The following VPS53 variants were observed in gnomAD, a reference collection of about 807,000 sequenced individuals.
The protein encoded by VPS53 is VPS53 subunit of GARP complex.
A neutral mutation model predicts 107.0 loss-of-function variants in VPS53; 70 were observed. The observed-to-expected ratio is 0.65, with a 90% CI of 0.54 to 0.80. The LOEUF (loss-of-function observed/expected upper bound fraction) is 0.80, where lower values mean the gene tolerates loss of function less well. Ranked by LOEUF, VPS53 falls within the 30% of genes least tolerant of loss-of-function variation. VPS53 has a pLI of 0.00. For missense variants in VPS53, 917 were observed against 1,049.4 expected (o/e 0.87, Z 1.74); for synonymous variants, 409 against 393.3 (o/e 1.04, Z -0.47).
chr17:546,000 G>T (rs1012780223), intron 17 of VPS53, among the ~76,000 whole-genome samples: 1 of 152,118 alleles, frequency 6.6e-6, no homozygotes, highest in Admixed American at 6.6e-5. Context: ...TGGCCTGAGG[G>T]TGGACATACA....
chr17:659,751 T>C (rs552430253), intron 5 of VPS53, among the ~76,000 whole-genome samples: 11 of 152,208 alleles, frequency 7.2e-5, no homozygotes, highest in African/African-American at 2.4e-4. Context: ...ATCCCTTCTC[T>C]CTATGTCCTA....
At position 604,102 on chromosome 17, in the gene VPS53, C is replaced by A. The variant is rs145022175; in HGVS notation, c.1117-2206G>T. On this transcript the variant is annotated intron_variant, in intron 11 of 21. Coordinates refer to ENST00000437048, the MANE Select transcript of VPS53 (RefSeq NM_001128159.3). Reference sequence around the variant, plus strand: ...TGAACTAAATGCCCCTCATCTATTGCTAAGTCTATTGGGTTGATAACAGCA... The same window carrying A: ...TGAACTAAATGCCCCTCATCTATTGATAAGTCTATTGGGTTGATAACAGCA... Among the ~76,000 whole-genome samples the A allele has an allele frequency of 2.6e-5, 4 of 152,294 alleles. No individual in the cohort carries two copies. The East Asian group carries it at 7.7e-4, about 29-fold the overall frequency.
intron 17 of VPS53, among the ~76,000 whole-genome samples, chr17:543,995 AAGGG>A (rs71145749): frequency 0.43 from 42,546 of 100,076 alleles, 8,312 homozygotes; most frequent in South Asian, 0.57. Flanking sequence ...GAGAGGGAGG[AAGGG>A]AGGGAGGGAG....
chr17:558,430 G>A (rs550505076), intron 15 of VPS53, among the ~76,000 whole-genome samples: 212 of 152,126 alleles, frequency 1.4e-3, no homozygotes, highest in Non-Finnish European at 2.4e-3. Context: ...TCAGGAGATC[G>A]AGACTATCCT....
rs1567591418 is a variant in VPS53, at chr17:515,955, G to GTT, written c.*3172_*3173insAA. On this transcript the variant is annotated 3_prime_UTR_variant, in exon 22 of 22. Transcript: ENST00000437048. Reference sequence around the variant, plus strand: ...GATTACAGGCACCCGCCACCTGCCTGCTTTTTTTTTTTTTTTTTTTGTATT... The same window carrying GTT: ...GATTACAGGCACCCGCCACCTGCCTGTTCTTTTTTTTTTTTTTTTTTTGTATT... 2.0e-5 allele frequency: 2 copies of GTT among 99,320 alleles called. No homozygotes were observed. The highest frequency in any genetic ancestry group is 1.4e-4 in the African/African-American group (2 of 14,494). The allele number at this position is 99,320 out of a possible 1,614,324, so 6.2% of individuals were successfully genotyped here. A position where few individuals can be genotyped will look rare whatever the true frequency, so the allele number is the denominator to read the frequency against.
intron 4 of VPS53, among the ~76,000 whole-genome samples, chr17:683,669 C>T (rs945471695): frequency 2.4e-4 from 36 of 152,106 alleles, no homozygotes; most frequent in Non-Finnish European, 3.7e-4. Flanking sequence ...TGTTATACAC[C>T]TTACATATAC....
chr17:545,275 C>G (rs1206341296), intron 17 of VPS53, among the ~76,000 whole-genome samples: 1 of 152,182 alleles, frequency 6.6e-6, no homozygotes, highest in East Asian at 1.9e-4. Flanking sequence ...TAGCAAACTA[C>G]CGCTCTGCAT....
chr17:710,669 T>C, intron 1 of VPS53, 56 bp from the exon 2 acceptor site: 1 of 1,340,290 alleles, frequency 7.5e-7, no homozygotes, highest in Non-Finnish European at 1.0e-6. Flanking sequence ...TAAATATATA[T>C]AATTTTAATT....
chr17:513,708 C>T lies in VPS53; in HGVS notation c.*5420G>A, dbSNP rs1288317776. 1 of 140,404 alleles carries T rather than the reference C, an allele frequency of 7.1e-6. No individual in the cohort carries two copies. The highest frequency in any genetic ancestry group is 2.1e-4 in the East Asian group (1 of 4,734). 8.7% of individuals were successfully genotyped at this position (140,404 alleles called of 1,614,324 possible). ...CAGCAGGTTATTCCGAGTGCTCTTC[C>T]TAGGGAAGGAATCTCATTTCCAGCA... On this transcript the variant is annotated 3_prime_UTR_variant, in exon 22 of 22. Coordinates refer to ENST00000437048, the MANE Select transcript of VPS53 (RefSeq NM_001128159.3).
Position 695,796 on chromosome 17 carries a change from C to T in VPS53, c.285+1622G>A, listed in dbSNP as rs145878550. Reference sequence around the variant, plus strand: ...TGAACTCCTAGGCTCAAGTGATCTCCCCGCCTCGGCCTCCCAAAGTGTTGG... The same window carrying T: ...TGAACTCCTAGGCTCAAGTGATCTCTCCGCCTCGGCCTCCCAAAGTGTTGG... On this transcript the variant is annotated intron_variant, in intron 4 of 21. Transcript: ENST00000437048. Among the ~76,000 whole-genome samples, 268 of 152,286 alleles carry T rather than the reference C, an allele frequency of 1.8e-3. 1 individual carries two copies. The highest frequency in any genetic ancestry group is 6.0e-3 in the African/African-American group (248 of 41,574).
intron 12 of VPS53, among the ~76,000 whole-genome samples, chr17:590,493 A>G (rs1272620780): frequency 1.3e-5 from 2 of 151,994 alleles, no homozygotes; most frequent in Non-Finnish European, 2.9e-5. Flanking sequence ...TTGCCCATTC[A>G]GTATGATATT....
chr17:657,870 G>A (rs1424997833), intron 5 of VPS53, among the ~76,000 whole-genome samples: 1 of 152,064 alleles, frequency 6.6e-6, no homozygotes, highest in East Asian at 1.9e-4. Context: ...AAACTCGGCA[G>A]GGAGTTCGTG....
At chr17:707,808 G>A (rs1973473398) in intron 2 of VPS53, among the ~76,000 whole-genome samples, 1 of 146,772 alleles carries the variant, frequency 6.8e-6, no homozygotes, top group African/African-American at 2.5e-5. Context: ...TTGTGCCACT[G>A]CACTCCAACC....
chr17:628,373 A>G (rs1597401074), intron 8 of VPS53, 142 bp from the exon 9 acceptor site: 1 of 1,016,404 alleles, frequency 9.8e-7, no homozygotes, highest in East Asian at 2.9e-5. Flanking sequence ...CTGTGGCTGG[A>G]TCTGTCAGTT....
At chr17:699,300 T>C (rs372108555) in intron 3 of VPS53, 31 bp downstream of exon 3, 2 of 1,488,656 alleles carry the variant, frequency 1.3e-6, no homozygotes, top group East Asian at 2.6e-5. Flanking sequence ...TACTTTTCAT[T>C]AATTATGAAC....
chr17:663,951 G>C (rs958812172), intron 4 of VPS53, among the ~76,000 whole-genome samples: 1 of 152,184 alleles, frequency 6.6e-6, no homozygotes, highest in Admixed American at 6.5e-5. Flanking sequence ...GAATTGACAG[G>C]TGTGGTGAAG....
In VPS53 at chr17:524,832, T is replaced by C. The variant is rs1909013600; in HGVS notation, c.2086-3094A>G. ...TAATCTAGTGTGGGCACGGCCACAC[T>C]GAAATTCAGACTAGTGGTGACAGTA... On this transcript the variant is annotated intron_variant, in intron 19 of 21. Transcript: ENST00000437048. The surrounding 1 kb of genome is among the most constrained non-coding windows in gnomAD (Gnocchi z 4.5). 6.6e-6 allele frequency among the ~76,000 whole-genome samples: 1 copy of C among 152,196 alleles called. No homozygotes were observed. The highest frequency in any genetic ancestry group is 6.5e-5 in the Admixed American group (1 of 15,280).
At chr17:625,605 G>A (rs117569926) in intron 10 of VPS53, among the ~76,000 whole-genome samples, 2,112 of 152,212 alleles carry the variant, frequency 0.014, 34 homozygotes, top group Middle Eastern at 0.024. Flanking sequence ...TAAATGCATC[G>A]CTCTGGCGGA....
At chr17:623,172 G>A (rs953799866) in intron 11 of VPS53, among the ~76,000 whole-genome samples, 1 of 152,028 alleles carries the variant, frequency 6.6e-6, no homozygotes, top group Non-Finnish European at 1.5e-5. Flanking sequence ...GATGTTAAAA[G>A]GTAAACCCTA....
Sources: gnomAD v4.1 joint callset for allele counts (sites outside exome capture counted in the v4.1 genomes callset) on GRCh38, gnomAD v4.1.1 for gene constraint, Gnocchi (gnomAD v3.1) non-coding constraint, MANE v1.5 for transcripts, NCBI Gene and HGNC (gene_info 2026-07-23, HGNC 2026-07-21) for gene names.